Variants in FBXO3 observed in about 807,000 individuals in gnomAD.
FBXO3 encodes the protein F-box protein 3, also known as F-box only protein 3.
In FBXO3, 17 loss-of-function variants were observed where a neutral mutation model predicts 64.8. The ratio of observed to expected loss-of-function variants is 0.26; its 90% CI spans 0.18 to 0.39. The LOEUF (loss-of-function observed/expected upper bound fraction) is 0.39, where lower values mean the gene tolerates loss of function less well. FBXO3 is among the 10% of genes least tolerant of loss of function. The probability of loss-of-function intolerance (pLI) is 1.00; values close to 1 mark genes in which losing one functional copy is unlikely to be tolerated. For synonymous variants in FBXO3, 182 were observed against 201.6 expected (o/e 0.90, Z 0.82); for missense variants, 420 against 589.9 (o/e 0.71, Z 2.98).
At chr11:33,750,489 T>C in intron 8 of FBXO3, 50 bp downstream of exon 8, 1 of 1,598,132 alleles carries the variant, frequency 6.3e-7, no homozygotes, top group South Asian at 1.1e-5. Flanking sequence ...ACATGTCCAT[T>C]GGATATATCC....
intron 7 of FBXO3, among the ~76,000 whole-genome samples, chr11:33,750,866 C>T (rs536133483): frequency 3.2e-4 from 49 of 152,280 alleles, no homozygotes; most frequent in African/African-American, 1.1e-3. Flanking sequence ...TCAGTAATGA[C>T]AGCAATCAAG....
intron 10 of FBXO3, 181 bp downstream of exon 10, chr11:33,746,949 C>A (rs1363380913): frequency 6.9e-7 from 1 of 1,453,718 alleles, no homozygotes; most frequent in South Asian, 1.5e-5. Context: ...TGGTTAGAGA[C>A]TATGGAGCCT....
intron 1 of FBXO3, chr11:33,772,318 C>A (rs886443105): frequency 6.6e-6 from 1 of 152,196 alleles, no homozygotes; most frequent in African/African-American, 2.4e-5. Flanking sequence ...GTATTCAACT[C>A]AATTTATTTC....
intron 5 of FBXO3, among the ~76,000 whole-genome samples, chr11:33,754,970 A>T (rs904893812): frequency 4.1e-5 from 6 of 147,602 alleles, no homozygotes; most frequent in Non-Finnish European, 7.4e-5. Flanking sequence ...GATTCAAGCA[A>T]TTCTCCTGCC....
At chr11:33,772,559 T>G (rs1222789540) in intron 1 of FBXO3, 1 of 152,226 alleles carries the variant, frequency 6.6e-6, no homozygotes, top group Non-Finnish European at 1.5e-5. Flanking sequence ...GTCCCGTCAA[T>G]CTCTGAACAT....
chr11:33,774,222 G>GC (rs1855582429), intron 1 of FBXO3, 172 bp downstream of exon 1: 2 of 589,596 alleles, frequency 3.4e-6, no homozygotes, highest in South Asian at 2.0e-5. Flanking sequence ...GGCCCTTTCC[G>GC]CCCCCGTCTC....
In FBXO3 at chr11:33,770,730, C is replaced by T. The variant is rs376638839; in HGVS notation, c.194+11G>A. ...CCAGTTTTCAGAAGTACATATTCCT[C>T]GAATACTCACTCAGATATCAGCCAG... On this transcript the variant is annotated intron_variant, in intron 2 of 10. Transcript: ENST00000265651. The T allele has an allele frequency of 1.1e-5, 17 of 1,603,918 alleles. No individual in the cohort carries two copies. In the African/African-American group the frequency reaches 2.0e-4, roughly 19 times the overall value.
intron 6 of FBXO3, among the ~76,000 whole-genome samples, chr11:33,752,115 G>T (rs1459360407): frequency 6.6e-6 from 1 of 152,214 alleles, no homozygotes; most frequent in Non-Finnish European, 1.5e-5. Context: ...GTGGAGTTCT[G>T]TGCATCGGGC....
chr11:33,770,556 G>A (rs1411807250), intron 2 of FBXO3, among the ~76,000 whole-genome samples, 185 bp downstream of exon 2: 1 of 152,230 alleles, frequency 6.6e-6, no homozygotes. Flanking sequence ...GTAGAGTTCA[G>A]CAAGGGAGAG....
At chr11:33,764,055 T>C (rs887520033) in intron 3 of FBXO3, among the ~76,000 whole-genome samples, 1 of 152,164 alleles carries the variant, frequency 6.6e-6, no homozygotes, top group African/African-American at 2.4e-5. Context: ...AATATACTCA[T>C]AGAGACATCA....
In FBXO3 at chr11:33,747,362, A is replaced by G. The variant is rs375297104; in HGVS notation, c.1049-42T>C. 349 of 1,474,752 alleles carry G rather than the reference A, an allele frequency of 2.4e-4. 1 individual carries two copies. The highest frequency in any genetic ancestry group is 2.0e-4 in the Non-Finnish European group (215 of 1,063,248). 91.4% of individuals were successfully genotyped at this position (1,474,752 alleles called of 1,614,324 possible). On this transcript the variant is annotated intron_variant, in intron 9 of 10. Coordinates refer to ENST00000265651, the MANE Select transcript of FBXO3 (RefSeq NM_012175.4). ...AACAATAAACCAAAGTATAAAATTCATTTCTTTATTACAATAAATAAGGTA... is the reference window on the plus strand; with the variant it reads ...AACAATAAACCAAAGTATAAAATTCGTTTCTTTATTACAATAAATAAGGTA...
chr11:33,754,362 G>T, intron 6 of FBXO3, 93 bp downstream of exon 6: 1 of 1,029,304 alleles, frequency 9.7e-7, no homozygotes, highest in Non-Finnish European at 1.4e-6. Flanking sequence ...ATTGCCAGCT[G>T]CTAAAGTAGC....
At chr11:33,754,833 T>C (rs941233593) in intron 5 of FBXO3, among the ~76,000 whole-genome samples, 6 of 151,666 alleles carry the variant, frequency 4.0e-5, no homozygotes, top group Non-Finnish European at 7.4e-5. Flanking sequence ...TAAAATGTTA[T>C]ATAGAGTCAC....
chr11:33,742,330 A>T (rs1027449174), intron 10 of FBXO3: 8 of 308,226 alleles, frequency 2.6e-5, no homozygotes, highest in East Asian at 1.1e-4. Flanking sequence ...TCTTCTTTTT[A>T]AAAAAATTAT....
At position 33,751,676 on chromosome 11, in the gene FBXO3, T is replaced by C. The variant is rs976725047; in HGVS notation, c.725-69A>G. On this transcript the variant is annotated intron_variant, in intron 6 of 10. Transcript: ENST00000265651. The stretch of plus-strand genomic sequence containing the variant: ...TTTGTAAAATCTATACAGGAAACAA[T>C]TGTAATTCCTCTATGCTTTAGAATG... 1.3e-5 allele frequency: 11 copies of C among 849,262 alleles called. No homozygotes were observed. In the African/African-American group the frequency reaches 1.6e-4, roughly 12 times the overall value. 52.6% of individuals were successfully genotyped at this position (849,262 alleles called of 1,614,324 possible).
chr11:33,743,315 T>C lies in FBXO3; in HGVS notation c.1240-1231A>G, dbSNP rs148740253. 3.9e-4 allele frequency: 60 copies of C among 152,358 alleles called. No homozygotes were observed. Among genetic ancestry groups the C allele is most frequent in the African/African-American group, 1.4e-3 (59 of 41,578 alleles). 9.4% of individuals were successfully genotyped at this position (152,358 alleles called of 1,614,324 possible). A position where few individuals can be genotyped will look rare whatever the true frequency, so the allele number is the denominator to read the frequency against. On this transcript the variant is annotated intron_variant, in intron 10 of 10. Transcript: ENST00000265651. This position sits in a 1 kb window ranked among gnomAD's most constrained non-coding sequence, Gnocchi z 4.6. ...GGCTCTCAGATTAGGACAGTAGTGA[T>C]GTTGAACATGCATCTGAATATCTCT... is the stretch of plus-strand genomic sequence containing the variant.
At chr11:33,746,916 T>A in intron 10 of FBXO3, 2 of 1,425,498 alleles carry the variant, frequency 1.4e-6, no homozygotes, top group Non-Finnish European at 1.8e-6. Context: ...ACAAGTTGAA[T>A]CTTTAAAACA....
Position 33,748,813 on chromosome 11 carries a change from C to G in FBXO3, c.1012G>C (p.Gly338Arg). 1 of 1,613,730 alleles carries G rather than the reference C, an allele frequency of 6.2e-7. No individual in the cohort carries two copies. Among genetic ancestry groups the G allele is most frequent in the Non-Finnish European group, 8.5e-7 (1 of 1,179,782 alleles). The change falls in exon 9 of 11, where the codon GGT (glycine) becomes CGT (arginine). Residue 338 changes from glycine (G) to arginine (R), a missense_variant. Gly to Arg is a moderately radical substitution (Grantham distance 125). Around this residue, in one of 3 missense-constraint regions of FBXO3, gnomAD observed 337 missense variants for 518.4 expected, o/e 0.65. Transcript: ENST00000265651. Reference protein sequence around the residue: ...SRYWRITNAKGDVEEVQGPGV... With the variant: ...SRYWRITNAKRDVEEVQGPGV... ...GGTCCTTGAACTTCTTCCACGTCACCCTTAGCATTTGTTATTCTCCAATAG... is the reference window on the plus strand; with the variant it reads ...GGTCCTTGAACTTCTTCCACGTCACGCTTAGCATTTGTTATTCTCCAATAG...
chr11:33,770,189 T>C (rs958327810), intron 2 of FBXO3, among the ~76,000 whole-genome samples: 5 of 152,248 alleles, frequency 3.3e-5, no homozygotes, highest in Non-Finnish European at 5.9e-5. Flanking sequence ...AGCTCTGTTA[T>C]TAATTTTCAC....
Sources: gnomAD v4.1 joint callset for allele counts (sites outside exome capture counted in the v4.1 genomes callset) on GRCh38, gnomAD v4.1.1 for gene constraint, gnomAD v4.1.1 regional missense constraint, Gnocchi (gnomAD v3.1) non-coding constraint, MANE v1.5 for transcripts, NCBI Gene and HGNC (gene_info 2026-07-23, HGNC 2026-07-21) for gene names.